Variants in PDE1A observed in about 807,000 individuals in gnomAD.
PDE1A encodes the protein dual specificity calcium/calmodulin-dependent 3',5'-cyclic nucleotide phosphodiesterase 1A.
In PDE1A, 35 loss-of-function variants were observed where a neutral mutation model predicts 61.7. The observed-to-expected ratio is 0.57, with a 90% CI of 0.43 to 0.75. The LOEUF is 0.75. PDE1A is among the 30% of genes least tolerant of loss of function. The pLI is 0.00. For synonymous variants in PDE1A, 232 were observed against 213.2 expected (o/e 1.09, Z -0.77); for missense variants, 597 against 630.6 (o/e 0.95, Z 0.57).
At chr2:182,240,216 C>A (rs1189531730) in exon 3 of PDE1A, 3 of 1,613,826 alleles carry the variant, frequency 1.9e-6, no homozygotes, top group Non-Finnish European at 2.5e-6. Flanking sequence ...AAGGTAGAAG[C>A]CAACCAGTCC....
chr2:182,551,695 G>C, the PDE1A span, among the ~76,000 whole-genome samples: 1 of 152,156 alleles, frequency 6.6e-6, no homozygotes, highest in Non-Finnish European at 1.5e-5. Flanking sequence ...TTTCTGTGGT[G>C]ACCGGTATGA....
the PDE1A span, among the ~76,000 whole-genome samples, chr2:182,555,559 AC>A: frequency 6.6e-6 from 1 of 152,238 alleles, no homozygotes; most frequent in Non-Finnish European, 1.5e-5. Flanking sequence ...AAGAATATGT[AC>A]TAAGAATGCA....
the PDE1A span, among the ~76,000 whole-genome samples, chr2:182,659,660 T>C: frequency 6.6e-6 from 1 of 152,214 alleles, no homozygotes; most frequent in Admixed American, 6.5e-5. Context: ...CTTGGTTGGA[T>C]TCCCAGTTCT....
At chr2:182,422,132 A>G (rs1442134385) in intron 1 of PDE1A, among the ~76,000 whole-genome samples, 1 of 152,186 alleles carries the variant, frequency 6.6e-6, no homozygotes, top group African/African-American at 2.4e-5. Flanking sequence ...CTGGATGTAC[A>G]GACTTGTTCT....
At chr2:182,634,289 T>A in the PDE1A span, among the ~76,000 whole-genome samples, 1 of 152,140 alleles carries the variant, frequency 6.6e-6, no homozygotes, top group Non-Finnish European at 1.5e-5. Flanking sequence ...CATCTCCAAG[T>A]ATGGGGACTC....
chr2:182,498,234 A>C (rs947860268), intron 2 of PDE1A, among the ~76,000 whole-genome samples: 2 of 152,128 alleles, frequency 1.3e-5, no homozygotes, highest in African/African-American at 4.8e-5. Context: ...GAACACAAAG[A>C]AAGTGGCACT....
chr2:182,685,600 C>T, the PDE1A span, among the ~76,000 whole-genome samples: 61 of 152,242 alleles, frequency 4.0e-4, no homozygotes, highest in Admixed American at 2.8e-3. Flanking sequence ...ATTATTAAAA[C>T]GCCTGTCAAA....
chr2:182,633,847 GC>G, the PDE1A span, among the ~76,000 whole-genome samples: 1 of 152,118 alleles, frequency 6.6e-6, no homozygotes, highest in African/African-American at 2.4e-5. Flanking sequence ...ACTTTGGGAG[GC>G]CAAGGCAGGC....
At chr2:182,327,453 G>C (rs1355237043) in intron 1 of PDE1A, among the ~76,000 whole-genome samples, 1 of 152,164 alleles carries the variant, frequency 6.6e-6, no homozygotes, top group East Asian at 1.9e-4. Context: ...GGTCAGCATG[G>C]CCGGAGCAGA....
chr2:182,142,504 A>T (rs901712437), downstream of PDE1A: 1 of 152,194 alleles, frequency 6.6e-6, no homozygotes, highest in Admixed American at 6.5e-5. Context: ...TGATGCTTCA[A>T]CCAGCTCCTC....
At chr2:182,621,335 G>A in the PDE1A span, among the ~76,000 whole-genome samples, 1 of 152,130 alleles carries the variant, frequency 6.6e-6, no homozygotes. Context: ...ACCTTGCTTT[G>A]AGAGTGGAAG....
Position 182,295,549 on chromosome 2 carries a change from A to G in PDE1A, c.54-31135T>C, listed in dbSNP as rs1013076666. On this transcript the variant is annotated intron_variant, in intron 1 of 13. Coordinates refer to ENST00000351439, the Ensembl canonical transcript of PDE1A. Reference sequence around the variant, plus strand: ...ATTAGGAGAGTTTTACAGCATGCCAATTTCCAGGCCCTGAATGGTATCTAC... The same window carrying G: ...ATTAGGAGAGTTTTACAGCATGCCAGTTTCCAGGCCCTGAATGGTATCTAC... 2.0e-5 allele frequency among the ~76,000 whole-genome samples: 3 copies of G among 152,270 alleles called. No homozygotes were observed. The East Asian group carries it at 5.8e-4, about 29-fold the overall frequency.
the PDE1A span, among the ~76,000 whole-genome samples, chr2:182,545,274 G>C: frequency 6.6e-6 from 1 of 152,098 alleles, no homozygotes; most frequent in Non-Finnish European, 1.5e-5. Context: ...CATCCCCTGT[G>C]GTCCCAGCTT....
At chr2:182,372,790 A>G (rs1700187275) in intron 1 of PDE1A, among the ~76,000 whole-genome samples, 1 of 152,230 alleles carries the variant, frequency 6.6e-6, no homozygotes, top group South Asian at 2.1e-4. Context: ...AGGCAGACCA[A>G]CGGTTAGCAC....
At chr2:182,173,772 C>A (rs1220365711) in intron 13 of PDE1A, among the ~76,000 whole-genome samples, 8 of 151,732 alleles carry the variant, frequency 5.3e-5, no homozygotes, top group Admixed American at 5.3e-4. Context: ...AGGATTCAGT[C>A]CTGGGAACTT....
chr2:182,249,348 T>C (rs1316434545), intron 2 of PDE1A, among the ~76,000 whole-genome samples: 1 of 152,010 alleles, frequency 6.6e-6, no homozygotes, highest in East Asian at 1.9e-4. Flanking sequence ...TAAAGGAACA[T>C]ACTGGGAAGA....
At chr2:182,205,912 T>C in intron 8 of PDE1A, 28 bp downstream of exon 8, 1 of 1,575,264 alleles carries the variant, frequency 6.3e-7, no homozygotes, top group South Asian at 1.2e-5. Context: ...TGAAATTAAA[T>C]TTCCTCTAGG....
chr2:182,340,289 A>T (rs1022469171), intron 1 of PDE1A, among the ~76,000 whole-genome samples: 1 of 152,168 alleles, frequency 6.6e-6, no homozygotes, highest in Non-Finnish European at 1.5e-5. Flanking sequence ...AAAATTCACC[A>T]CCATAACTTC....
chr2:182,169,134 T>C (rs986853669), intron 13 of PDE1A, among the ~76,000 whole-genome samples: 4 of 152,094 alleles, frequency 2.6e-5, no homozygotes, highest in South Asian at 2.1e-4. Context: ...AGATGAACTA[T>C]AGAAGGACAA....
Sources: gnomAD v4.1 joint callset for allele counts (sites outside exome capture counted in the v4.1 genomes callset) on GRCh38, gnomAD v4.1.1 for gene constraint, MANE v1.5 for transcripts, NCBI Gene and HGNC (gene_info 2026-07-23, HGNC 2026-07-21) for gene names.